Variants in FOXN3 observed in about 807,000 individuals in gnomAD.
The protein encoded by FOXN3 is forkhead box N3.
Under a neutral mutation model 38.4 loss-of-function variants are expected in FOXN3, and 7 were observed. The ratio of observed to expected loss-of-function variants is 0.18; its 90% CI spans 0.10 to 0.34. The LOEUF (loss-of-function observed/expected upper bound fraction) is 0.34. Among genes scored for constraint, FOXN3 ranks in the 10% least tolerant of loss-of-function variants. The pLI, the probability that FOXN3 is intolerant of heterozygous loss-of-function variation, is 1.00. For missense variants in FOXN3, 456 were observed against 613.4 expected, an observed-to-expected ratio of 0.74 and a Z score of 2.71; for synonymous variants, 230 against 242.2, an observed-to-expected ratio of 0.95 and a Z score of 0.47.
At chr14:89,302,624 A>G (rs1207851311) in intron 3 of FOXN3, among the ~76,000 whole-genome samples, 1 of 152,206 alleles carries the variant, frequency 6.6e-6, no homozygotes, top group Non-Finnish European at 1.5e-5. Context: ...TCCCCTGAGC[A>G]CACACAGGCC....
At chr14:89,346,940 T>G (rs1888775009) in intron 3 of FOXN3, among the ~76,000 whole-genome samples, 1 of 152,248 alleles carries the variant, frequency 6.6e-6, no homozygotes, top group African/African-American at 2.4e-5. Context: ...TTTATTTTGC[T>G]GCTCATCACC....
intron 1 of FOXN3, among the ~76,000 whole-genome samples, chr14:89,498,004 T>A (rs1893720606): frequency 6.6e-6 from 1 of 152,168 alleles, no homozygotes; most frequent in Non-Finnish European, 1.5e-5. Flanking sequence ...CCCCAATGAT[T>A]AGTGACATTG....
chr14:89,405,682 C>A (rs560897670), intron 2 of FOXN3, among the ~76,000 whole-genome samples: 1 of 152,216 alleles, frequency 6.6e-6, no homozygotes, highest in South Asian at 2.1e-4. Flanking sequence ...CATGTGCTGA[C>A]AATTGAGCCC....
intron 1 of FOXN3, among the ~76,000 whole-genome samples, chr14:89,517,659 T>C (rs1894233902): frequency 6.6e-6 from 1 of 152,210 alleles, no homozygotes; most frequent in Admixed American, 6.5e-5. Context: ...GGGATTACAT[T>C]TGACATGAGA....
Position 89,554,458 on chromosome 14 carries a change from T to C in FOXN3, c.-15+64570A>G, listed in dbSNP as rs568965069. Among the ~76,000 whole-genome samples, 4 of 152,294 alleles carry C rather than the reference T, an allele frequency of 2.6e-5. No homozygotes were observed. In the South Asian group the frequency reaches 8.3e-4, roughly 32 times the overall value. On this transcript the variant is annotated intron_variant, in intron 1 of 6. Coordinates refer to the FOXN3 transcript ENST00000345097. ...GCCTCTTTCTTTCACTTTTATCTTA[T>C]TGGAAGAAGGAGAGTTGGGGCTTTG...
At chr14:89,538,966 C>T (rs1301282607) in intron 1 of FOXN3, among the ~76,000 whole-genome samples, 1 of 152,040 alleles carries the variant, frequency 6.6e-6, no homozygotes, top group Non-Finnish European at 1.5e-5. Context: ...GCCTCAGCCT[C>T]CTAAGTAGCT....
At chr14:89,274,182 G>A (rs909852807) in intron 4 of FOXN3, among the ~76,000 whole-genome samples, 3 of 152,170 alleles carry the variant, frequency 2.0e-5, no homozygotes, top group Admixed American at 6.5e-5. Context: ...CCCTTACAGA[G>A]AGGTAAGGGG....
At chr14:89,221,515 C>A (rs181316389) in intron 4 of FOXN3, among the ~76,000 whole-genome samples, 1 of 152,194 alleles carries the variant, frequency 6.6e-6, no homozygotes, top group African/African-American at 2.4e-5. Context: ...GAAAGCCTTG[C>A]AAATCCCTTA....
chr14:89,371,282 T>C (rs1434022299), intron 2 of FOXN3, among the ~76,000 whole-genome samples: 1 of 152,130 alleles, frequency 6.6e-6, no homozygotes, highest in East Asian at 1.9e-4. Context: ...TCTTCTGATT[T>C]TGTACCCTCT....
At chr14:89,373,038 G>C (rs1331455019) in intron 2 of FOXN3, among the ~76,000 whole-genome samples, 1 of 152,008 alleles carries the variant, frequency 6.6e-6, no homozygotes, top group Non-Finnish European at 1.5e-5. Context: ...TCGTGACGCA[G>C]GCCTGTGGTC....
chr14:89,512,593 C>A (rs1399255560), intron 1 of FOXN3, among the ~76,000 whole-genome samples: 1 of 152,230 alleles, frequency 6.6e-6, no homozygotes. Flanking sequence ...TAAGAATGTT[C>A]TCCTCTTCCC....
chr14:89,524,184 CT>C (rs1894379860), intron 1 of FOXN3, among the ~76,000 whole-genome samples: 1 of 147,030 alleles, frequency 6.8e-6, no homozygotes, highest in Non-Finnish European at 1.5e-5. Context: ...ACCATCCTGG[CT>C]AACAAGGTGA....
At chr14:89,464,000 T>C (rs528582804) in intron 1 of FOXN3, among the ~76,000 whole-genome samples, 16 of 152,242 alleles carry the variant, frequency 1.1e-4, no homozygotes, top group African/African-American at 3.9e-4. Flanking sequence ...GCCAGGCTGG[T>C]CTTGAACTCC....
chr14:89,587,411 G>A (rs991182350), intron 1 of FOXN3, among the ~76,000 whole-genome samples: 1 of 152,178 alleles, frequency 6.6e-6, no homozygotes, highest in Non-Finnish European at 1.5e-5. Context: ...ATGCCCACAG[G>A]AGCCAGGCAG....
intron 1 of FOXN3, among the ~76,000 whole-genome samples, chr14:89,505,486 G>A (rs1345889497): frequency 2.0e-5 from 3 of 152,098 alleles, no homozygotes; most frequent in Non-Finnish European, 4.4e-5. Context: ...TGTGTTGGCC[G>A]GGCTGGTCTC....
chr14:89,383,045 T>G (rs1890700843), intron 2 of FOXN3, among the ~76,000 whole-genome samples: 2 of 149,966 alleles, frequency 1.3e-5, no homozygotes, highest in African/African-American at 4.9e-5. Context: ...TTTTTTTTTT[T>G]TTTTTTTTTC....
intron 2 of FOXN3, among the ~76,000 whole-genome samples, chr14:89,374,116 A>C (rs1890400006): frequency 6.6e-6 from 1 of 151,842 alleles, no homozygotes; most frequent in Non-Finnish European, 1.5e-5. Context: ...AAATACAAAA[A>C]TTAACGGCAT....
At chr14:89,435,187 AGCC>A (rs1892251758) in intron 1 of FOXN3, among the ~76,000 whole-genome samples, 1 of 152,128 alleles carries the variant, frequency 6.6e-6, no homozygotes, top group African/African-American at 2.4e-5. Context: ...GTTAGAAGCC[AGCC>A]TGGGCAACAC....
chr14:89,527,128 G>C (rs1894450016), intron 1 of FOXN3, among the ~76,000 whole-genome samples: 1 of 151,662 alleles, frequency 6.6e-6, no homozygotes, highest in Admixed American at 6.6e-5. Flanking sequence ...GGGGGTGAAG[G>C]GGAAGAAACG....
Sources: gnomAD v4.1 joint callset for allele counts (sites outside exome capture counted in the v4.1 genomes callset) on GRCh38, gnomAD v4.1.1 for gene constraint, MANE v1.5 for transcripts, NCBI Gene and HGNC (gene_info 2026-07-23, HGNC 2026-07-21) for gene names.